Variants in CACNA1D observed in about 807,000 individuals in gnomAD.
CACNA1D encodes voltage-dependent L-type calcium channel subunit alpha-1D.
In CACNA1D, 55 loss-of-function variants were observed where a neutral mutation model predicts 257.1. The ratio of observed to expected loss-of-function variants is 0.21; its 90% confidence interval spans 0.17 to 0.27. The LOEUF is 0.27. CACNA1D is among the 10% of genes least tolerant of loss of function. The probability of loss-of-function intolerance (pLI) is 1.00; values close to 1 mark genes in which losing one functional copy is unlikely to be tolerated. For missense variants in CACNA1D, 1,876 were observed against 2,784.0 expected, an observed-to-expected ratio of 0.67 and a Z score of 7.34; for synonymous variants, 980 against 1,014.9, an observed-to-expected ratio of 0.97 and a Z score of 0.65.
intron 3 of CACNA1D, among the ~76,000 whole-genome samples, chr3:53,635,103 G>A (rs955630262): frequency 6.6e-6 from 1 of 152,246 alleles, no homozygotes; most frequent in Non-Finnish European, 1.5e-5. Context: ...TTGCCACAAA[G>A]AAGCTAGAGG....
chr3:53,747,157 G>A (rs980733315), intron 25 of CACNA1D, 145 bp from the exon 26 acceptor site: 12 of 745,280 alleles, frequency 1.6e-5, no homozygotes, highest in South Asian at 4.4e-5. Context: ...GAGAAACGGC[G>A]CCGGTGTTAT....
intron 3 of CACNA1D, among the ~76,000 whole-genome samples, chr3:53,520,248 A>G (rs1371821801): frequency 6.6e-6 from 1 of 152,214 alleles, no homozygotes; most frequent in Non-Finnish European, 1.5e-5. Context: ...GCCATTTTAC[A>G]TTACCACCAG....
intron 3 of CACNA1D, among the ~76,000 whole-genome samples, chr3:53,584,107 G>T (rs2093175317): frequency 6.6e-6 from 1 of 152,122 alleles, no homozygotes; most frequent in Non-Finnish European, 1.5e-5. Flanking sequence ...TCATTCAGTA[G>T]CTCATGGATT....
intron 17 of CACNA1D, 58 bp downstream of exon 17, chr3:53,731,204 A>G (rs1212469266): frequency 9.4e-7 from 1 of 1,061,916 alleles, no homozygotes; most frequent in Non-Finnish European, 1.5e-6. Context: ...GTTGATCTCC[A>G]TACATGTACC....
intron 3 of CACNA1D, among the ~76,000 whole-genome samples, chr3:53,569,543 T>A (rs1402844761): frequency 6.6e-6 from 1 of 152,226 alleles, no homozygotes; most frequent in African/African-American, 2.4e-5. Flanking sequence ...CAGTGGAGAT[T>A]CTAGTAATTC....
chr3:53,747,191 G>T, intron 25 of CACNA1D, 111 bp from the exon 26 acceptor site: 2 of 782,054 alleles, frequency 2.6e-6, no homozygotes, highest in East Asian at 5.2e-5. Context: ...ACAGGCGGGC[G>T]GACTGAGTGT....
intron 16 of CACNA1D, 29 bp downstream of exon 16, chr3:53,730,585 TC>T: frequency 6.6e-7 from 1 of 1,511,086 alleles, no homozygotes; most frequent in Non-Finnish European, 9.2e-7. Context: ...GACGTGTTTG[TC>T]CAGGGGCTGT....
chr3:53,776,100 A>G, intron 35 of CACNA1D, 55 bp downstream of exon 35: 1 of 1,515,376 alleles, frequency 6.6e-7, no homozygotes, highest in South Asian at 1.1e-5. Flanking sequence ...TGTAGCAGTC[A>G]GCGTTCACAC....
intron 9 of CACNA1D, among the ~76,000 whole-genome samples, chr3:53,717,487 C>T (rs549632322): frequency 6.6e-6 from 1 of 152,184 alleles, no homozygotes; most frequent in Non-Finnish European, 1.5e-5. Flanking sequence ...CTGGGTGGAC[C>T]CTGGACCTCC....
intron 17 of CACNA1D, among the ~76,000 whole-genome samples, chr3:53,731,549 A>C (rs2094992755): frequency 6.6e-6 from 1 of 152,128 alleles, no homozygotes; most frequent in Non-Finnish European, 1.5e-5. Context: ...TATACTGTAA[A>C]ACTGAATCCC....
chr3:53,750,777 G>T (rs2095218426), intron 27 of CACNA1D, among the ~76,000 whole-genome samples: 1 of 152,200 alleles, frequency 6.6e-6, no homozygotes, highest in African/African-American at 2.4e-5. Flanking sequence ...CCGGGTCCCA[G>T]ACACTGGGAA....
intron 3 of CACNA1D, among the ~76,000 whole-genome samples, chr3:53,617,205 C>T (rs979649805): frequency 6.6e-6 from 1 of 152,180 alleles, no homozygotes; most frequent in African/African-American, 2.4e-5. Context: ...TCCCATACCT[C>T]TGTGTAGGGC....
At chr3:53,647,130 G>T (rs181498906) in intron 3 of CACNA1D, among the ~76,000 whole-genome samples, 1 of 152,274 alleles carries the variant, frequency 6.6e-6, no homozygotes, top group Admixed American at 6.5e-5. Context: ...GGTAGGGGGA[G>T]GGAGTGGGGG....
intron 9 of CACNA1D, among the ~76,000 whole-genome samples, chr3:53,711,894 G>A (rs1364598865): frequency 6.6e-6 from 1 of 152,198 alleles, no homozygotes; most frequent in East Asian, 1.9e-4. Context: ...GTGAGTTAGG[G>A]GCAGAGTTGG....
At chr3:53,741,702 G>A (rs962975100) in intron 21 of CACNA1D, among the ~76,000 whole-genome samples, 11 of 152,130 alleles carry the variant, frequency 7.2e-5, no homozygotes, top group Non-Finnish European at 1.5e-4. Flanking sequence ...GGTGGGGGTC[G>A]GAGGGATGCC....
chr3:53,654,656 G>A (rs1336368281), intron 4 of CACNA1D, among the ~76,000 whole-genome samples: 1 of 152,088 alleles, frequency 6.6e-6, no homozygotes, highest in African/African-American at 2.4e-5. Flanking sequence ...TTGTAATTCA[G>A]CCACATTCAG....
At chr3:53,795,478 G>A (rs965304740) in intron 40 of CACNA1D, among the ~76,000 whole-genome samples, 1 of 152,238 alleles carries the variant, frequency 6.6e-6, no homozygotes, top group Non-Finnish European at 1.5e-5. Context: ...AACAGGCTTA[G>A]GGGCCAAGAG....
intron 4 of CACNA1D, among the ~76,000 whole-genome samples, chr3:53,656,730 A>G (rs983446037): frequency 2.0e-5 from 3 of 152,258 alleles, no homozygotes; most frequent in African/African-American, 4.8e-5. Context: ...AGACAACCCA[A>G]TAAACAAATA....
chr3:53,504,417 C>A (rs891024841), intron 3 of CACNA1D, among the ~76,000 whole-genome samples: 1 of 152,110 alleles, frequency 6.6e-6, no homozygotes, highest in African/African-American at 2.4e-5. Flanking sequence ...TGTCTTTGTT[C>A]TAGATAGTAT....
Sources: gnomAD v4.1 joint callset for allele counts (sites outside exome capture counted in the v4.1 genomes callset) on GRCh38, gnomAD v4.1.1 for gene constraint, MANE v1.5 for transcripts, NCBI Gene and HGNC (gene_info 2026-07-23, HGNC 2026-07-21) for gene names.